The following UTP6 variants were observed in gnomAD, a reference collection of about 807,000 sequenced individuals.
UTP6 encodes U3 small nucleolar RNA-associated protein 6 homolog.
In UTP6, 60 loss-of-function variants were observed where a neutral mutation model predicts 96.5. The observed-to-expected ratio is 0.62, with a 90% CI of 0.51 to 0.77. UTP6 has a LOEUF of 0.77. UTP6 is among the 30% of genes least tolerant of loss of function. UTP6 has a pLI of 0.00. For missense variants in UTP6, 637 were observed against 706.5 expected (o/e 0.90, Z 1.12); for synonymous variants, 215 against 240.1 (o/e 0.90, Z 0.96).
chr17:31,889,688 C>T (rs1219763644), intron 6 of UTP6, among the ~76,000 whole-genome samples: 4 of 151,770 alleles, frequency 2.6e-5, no homozygotes, highest in South Asian at 2.1e-4. Flanking sequence ...TTAGTAGAGA[C>T]GGGGTTTCAC....
intron 2 of UTP6, 76 bp downstream of exon 2, chr17:31,899,570 G>A: frequency 8.9e-7 from 1 of 1,124,674 alleles, no homozygotes; most frequent in Non-Finnish European, 1.2e-6. Context: ...ACTCCAACCT[G>A]GGTGACAGAG....
At chr17:31,885,937 T>C in intron 9 of UTP6, 43 bp downstream of exon 9, 1 of 1,544,598 alleles carries the variant, frequency 6.5e-7, no homozygotes, top group South Asian at 1.2e-5. Flanking sequence ...AAGAAAAGAA[T>C]GTTTCACTTT....
intron 17 of UTP6, 99 bp from the exon 18 acceptor site, chr17:31,865,537 G>T: frequency 8.4e-7 from 1 of 1,188,770 alleles, no homozygotes; most frequent in Non-Finnish European, 1.2e-6. Context: ...TCAGGTATTT[G>T]AAGGGAAGAG....
chr17:31,865,565 T>C (rs1909765540), intron 17 of UTP6, 127 bp from the exon 18 acceptor site: 3 of 867,686 alleles, frequency 3.5e-6, no homozygotes, highest in East Asian at 2.8e-5. Flanking sequence ...TGAACACAAC[T>C]TGGCTCTCAA....
chr17:31,887,001 T>A (rs1422158549), intron 8 of UTP6, among the ~76,000 whole-genome samples: 2 of 151,974 alleles, frequency 1.3e-5, no homozygotes. Context: ...CACTAACTCA[T>A]CTGGAAGTTT....
chr17:31,890,683 C>T (rs551993779), intron 6 of UTP6, among the ~76,000 whole-genome samples: 38 of 151,120 alleles, frequency 2.5e-4, no homozygotes, highest in Non-Finnish European at 4.4e-4. Context: ...GCTCTTTTCT[C>T]AATATTTAGA....
chr17:31,888,842 C>T (rs1396764567), intron 7 of UTP6, among the ~76,000 whole-genome samples: 1 of 152,134 alleles, frequency 6.6e-6, no homozygotes, highest in East Asian at 1.9e-4. Context: ...GAGGTGGAGG[C>T]GGGCGGATGA....
At chr17:31,891,713 T>C (rs1911501844) in intron 6 of UTP6, among the ~76,000 whole-genome samples, 1 of 152,190 alleles carries the variant, frequency 6.6e-6, no homozygotes, top group Admixed American at 6.6e-5. Context: ...AAGTTTATTT[T>C]GCCATCATCT....
chr17:31,900,100 C>T (rs1043346169), intron 1 of UTP6, among the ~76,000 whole-genome samples: 3 of 151,794 alleles, frequency 2.0e-5, no homozygotes, highest in South Asian at 2.1e-4. Flanking sequence ...GCCGAGATCG[C>T]GCCACTGCCC....
At chr17:31,899,611 GAAAA>G (rs1567796093) in intron 2 of UTP6, 31 bp downstream of exon 2, 1 of 1,521,816 alleles carries the variant, frequency 6.6e-7, no homozygotes, top group East Asian at 2.3e-5. Context: ...AAACAAAAAA[GAAAA>G]AAAGAAAGAA....
chr17:31,871,796 C>T (rs569563141), intron 16 of UTP6, among the ~76,000 whole-genome samples: 85 of 151,842 alleles, frequency 5.6e-4, no homozygotes, highest in African/African-American at 2.0e-3. Context: ...GGGAAGCTAA[C>T]GCACAAGAAT....
chr17:31,900,481 G>T (rs1232240523), intron 1 of UTP6, among the ~76,000 whole-genome samples: 1 of 151,880 alleles, frequency 6.6e-6, no homozygotes, highest in Non-Finnish European at 1.5e-5. Context: ...TAGTAGAGAC[G>T]GGGTTTCACC....
In UTP6 at chr17:31,873,467, T is replaced by C. The variant is rs768576449; in HGVS notation, c.1407A>G (p.Ile469Met). 34 of 1,613,974 alleles carry C rather than the reference T, an allele frequency of 2.1e-5. No homozygotes were observed. The highest frequency in any genetic ancestry group is 1.2e-4 in the Admixed American group (7 of 59,950). ...AVFKKALLAV[I>M]GADSVTLKNK... Reference sequence around the variant, plus strand: ...TCTTCAGGGTTACTGAGTCGGCACCTATGACAGCTAAGAGAGCTTTCTACA... The same window carrying C: ...TCTTCAGGGTTACTGAGTCGGCACCCATGACAGCTAAGAGAGCTTTCTACA... Residue 469 changes from isoleucine to methionine, a missense_variant, in exon 16 of 19, where the codon ATA (isoleucine) becomes ATG (methionine). By Grantham distance (10) the Ile-to-Met change is conservative. Transcript: ENST00000261708.
At chr17:31,893,625 G>A (rs959786552) in intron 4 of UTP6, among the ~76,000 whole-genome samples, 1 of 151,254 alleles carries the variant, frequency 6.6e-6, no homozygotes, top group African/African-American at 2.4e-5. Flanking sequence ...AGGTACTGGG[G>A]AGGCTGAGGC....
chr17:31,880,199 C>A (rs1910738293), intron 11 of UTP6: 1 of 224,864 alleles, frequency 4.4e-6, no homozygotes, highest in Non-Finnish European at 9.0e-6. Context: ...GCAAGTAGAT[C>A]GCCTGAGCTC....
intron 12 of UTP6, 28 bp downstream of exon 12, chr17:31,878,674 A>C: frequency 6.3e-7 from 1 of 1,599,956 alleles, no homozygotes; most frequent in African/African-American, 1.3e-5. Flanking sequence ...CTATCTAGTC[A>C]ACCACTGTAA....
chr17:31,878,410 C>T (rs1490453246), intron 12 of UTP6, 83 bp from the exon 13 acceptor site: 15 of 1,371,482 alleles, frequency 1.1e-5, no homozygotes, highest in African/African-American at 2.9e-5. Context: ...AGCAGTTTTG[C>T]GCATTTCTTA....
intron 18 of UTP6, among the ~76,000 whole-genome samples, chr17:31,864,888 T>C (rs1401286104): frequency 6.6e-6 from 1 of 151,834 alleles, no homozygotes; most frequent in Middle Eastern, 3.2e-3. Flanking sequence ...AGACGACCCA[T>C]GGACCCCTGA....
Position 31,873,372 on chromosome 17 carries a change from G to T in UTP6, c.1496+6C>A. ...ACTAGTAACAACTATGAACGTCTGT[G>T]AGTACCTTTTAAACACAGCTCTGGC... On this transcript the variant is annotated splice_donor_region_variant and intron_variant, in intron 16 of 18. Transcript: ENST00000261708. 1.2e-6 allele frequency: 2 copies of T among 1,613,894 alleles called. No homozygotes were observed. Among genetic ancestry groups the T allele is most frequent in the Non-Finnish European group, 1.7e-6 (2 of 1,179,800 alleles).
Sources: allele counts gnomAD v4.1 joint callset (sites outside exome capture counted in the v4.1 genomes callset), GRCh38; gene constraint gnomAD v4.1.1; transcripts MANE v1.5; gene names NCBI Gene and HGNC (gene_info 2026-07-23, HGNC 2026-07-21).